MRTFA: variants seen among roughly 807,000 people sequenced by gnomAD.
MRTFA encodes the protein myocardin-related transcription factor A.
MRTFA carries 20 observed loss-of-function variants against 83.5 expected under a neutral mutation model. The observed-to-expected ratio is 0.24, with a 90% CI of 0.17 to 0.35. MRTFA has a LOEUF of 0.35. Among genes scored for constraint, MRTFA ranks in the 10% least tolerant of loss-of-function variants. MRTFA has a pLI of 1.00. For synonymous variants in MRTFA, 659 were observed against 541.2 expected (o/e 1.22, Z -3.02); for missense variants, 1,200 against 1,224.7 (o/e 0.98, Z 0.30).
In MRTFA at chr22:40,463,203, A is replaced by T. The variant is rs2053745966; in HGVS notation, c.307+18T>A. The T allele has an allele frequency of 6.3e-7, 1 of 1,580,806 alleles. No homozygotes were observed. The highest frequency in any genetic ancestry group is 1.7e-4 in the Middle Eastern group (1 of 5,934). ...CCTAAAAGCAATCTACCAAATGCTGAGAGAGAGAGGCACTTACGCGGCATG... is the reference window on the plus strand; with the variant it reads ...CCTAAAAGCAATCTACCAAATGCTGTGAGAGAGAGGCACTTACGCGGCATG... On this transcript the variant is annotated intron_variant, in intron 4 of 14. Transcript: ENST00000355630.
chr22:40,540,619 T>TA (rs964393251), intron 3 of MRTFA, among the ~76,000 whole-genome samples: 1 of 151,660 alleles, frequency 6.6e-6, no homozygotes, highest in African/African-American at 2.4e-5. Context: ...ATCCCTACTA[T>TA]AAATACAAAA....
chr22:40,532,487 C>A (rs2055099195), intron 3 of MRTFA, among the ~76,000 whole-genome samples: 1 of 152,130 alleles, frequency 6.6e-6, no homozygotes, highest in African/African-American at 2.4e-5. Context: ...CTCAATAGAT[C>A]TGTAGGAGGA....
At chr22:40,502,963 C>T (rs1029504309) in intron 3 of MRTFA, among the ~76,000 whole-genome samples, 1 of 152,164 alleles carries the variant, frequency 6.6e-6, no homozygotes, top group South Asian at 2.1e-4. Context: ...CCTACTTGCT[C>T]CCCTTCTCCA....
chr22:40,497,544 G>A (rs1297098859), intron 3 of MRTFA, among the ~76,000 whole-genome samples: 1 of 151,012 alleles, frequency 6.6e-6, no homozygotes, highest in East Asian at 2.0e-4. Flanking sequence ...CACAAGGTCA[G>A]GAGTTCGAGA....
At chr22:40,635,143 AACG>A (rs2056681086) in intron 1 of MRTFA, among the ~76,000 whole-genome samples, 1 of 152,218 alleles carries the variant, frequency 6.6e-6, no homozygotes, top group African/African-American at 2.4e-5. Context: ...GAAAAATGCA[AACG>A]ACATTAAGCA....
chr22:40,431,635 T>C (rs1318788112), intron 5 of MRTFA, among the ~76,000 whole-genome samples, 155 bp from the exon 6 acceptor site: 2 of 151,632 alleles, frequency 1.3e-5, no homozygotes, highest in Non-Finnish European at 2.9e-5. Context: ...GAGGCAAGAG[T>C]AGGCCTGGGG....
At chr22:40,497,359 T>G (rs1411550162) in intron 3 of MRTFA, among the ~76,000 whole-genome samples, 1 of 151,794 alleles carries the variant, frequency 6.6e-6, no homozygotes, top group African/African-American at 2.4e-5. Flanking sequence ...GAATGGAGAA[T>G]AGAGAGAAAG....
At chr22:40,562,022 C>T (rs2055625667) in intron 2 of MRTFA, among the ~76,000 whole-genome samples, 1 of 152,066 alleles carries the variant, frequency 6.6e-6, no homozygotes, top group South Asian at 2.1e-4. Flanking sequence ...CGAGACCATC[C>T]TAGCTAACAA....
chr22:40,466,651 G>C (rs2147159350), intron 3 of MRTFA, among the ~76,000 whole-genome samples: 1 of 152,270 alleles, frequency 6.6e-6, no homozygotes, highest in African/African-American at 2.4e-5. Context: ...TTATTTCAGA[G>C]AATAAGGGAA....
intron 4 of MRTFA, among the ~76,000 whole-genome samples, chr22:40,443,677 T>TCA (rs1281190461): frequency 6.6e-6 from 1 of 152,200 alleles, no homozygotes; most frequent in African/African-American, 2.4e-5. Context: ...AATGGTGGTC[T>TCA]CATTCCCACC....
At chr22:40,542,783 T>C (rs919832246) in intron 3 of MRTFA, among the ~76,000 whole-genome samples, 2 of 152,216 alleles carry the variant, frequency 1.3e-5, no homozygotes, top group African/African-American at 4.8e-5. Context: ...TATAAAAATA[T>C]TTCAGTAATA....
rs2147048402 is a variant in MRTFA at position 40,411,803 on chromosome 22, C to T, written c.2683G>A (p.Ala895Thr). The T allele has an allele frequency of 1.3e-6, 2 of 1,524,704 alleles. No individual in the cohort carries two copies. The highest frequency in any genetic ancestry group is 1.8e-6 in the Non-Finnish European group (2 of 1,131,940). The allele number at this position is 1,524,704 out of a possible 1,614,324, so 94.4% of individuals were successfully genotyped here. ...GGTGGGGCAGCCTGGGGGAGCTCAG[C>T]AGAAGGTGATGGCTGTGCTGCCAGG... Residue 895 changes from alanine (A) to threonine (T), a missense_variant, in exon 15 of 15, where the codon GCT (alanine) becomes ACT (threonine). By Grantham distance (58) the Ala-to-Thr change is moderately conservative. Transcript: ENST00000355630.
At chr22:40,442,961 T>C (rs1243983907) in intron 4 of MRTFA, among the ~76,000 whole-genome samples, 1 of 152,144 alleles carries the variant, frequency 6.6e-6, no homozygotes, top group Non-Finnish European at 1.5e-5. Context: ...CATTAAGAAC[T>C]TTAATGGGCT....
intron 3 of MRTFA, among the ~76,000 whole-genome samples, chr22:40,549,808 T>G (rs950873691): frequency 7.9e-5 from 12 of 152,182 alleles, no homozygotes. Flanking sequence ...TCCCAGCACT[T>G]TGGGGGGCCA....
chr22:40,572,834 C>T (rs1178789788), intron 2 of MRTFA, among the ~76,000 whole-genome samples: 1 of 152,194 alleles, frequency 6.6e-6, no homozygotes, highest in Admixed American at 6.5e-5. Context: ...GAGAATAGCA[C>T]AGGAAAGACC....
chr22:40,517,982 T>C (rs2054789543), intron 3 of MRTFA, among the ~76,000 whole-genome samples: 1 of 152,076 alleles, frequency 6.6e-6, no homozygotes, highest in Non-Finnish European at 1.5e-5. Context: ...AGGACAGGGT[T>C]TGGAGAGCTT....
chr22:40,525,719 A>AT (rs2054958944), intron 3 of MRTFA, among the ~76,000 whole-genome samples: 1 of 152,132 alleles, frequency 6.6e-6, no homozygotes, highest in African/African-American at 2.4e-5. Flanking sequence ...CTATACAAAT[A>AT]TTTACAAGGC....
At chr22:40,491,302 A>G (rs1160437873) in intron 3 of MRTFA, among the ~76,000 whole-genome samples, 3 of 152,158 alleles carry the variant, frequency 2.0e-5, no homozygotes, top group Non-Finnish European at 4.4e-5. Flanking sequence ...TGATTGAGCC[A>G]CTGTACTCCA....
At chr22:40,420,370 C>A in intron 11 of MRTFA, 35 bp downstream of exon 11, 1 of 1,599,798 alleles carries the variant, frequency 6.3e-7, no homozygotes, top group Non-Finnish European at 8.5e-7. Context: ...AAGGGCCAGG[C>A]TGGCAGTGGC....
Sources: allele counts gnomAD v4.1 joint callset (sites outside exome capture counted in the v4.1 genomes callset), GRCh38; gene constraint gnomAD v4.1.1; transcripts MANE v1.5; gene names NCBI Gene and HGNC (gene_info 2026-07-23, HGNC 2026-07-21).